ASCC1: variants seen among roughly 807,000 people sequenced by gnomAD.
ASCC1 encodes ASC-1 complex subunit P50.
A neutral mutation model predicts 46.6 loss-of-function variants in ASCC1; 35 were observed. The ratio of observed to expected loss-of-function variants is 0.75; its 90% CI spans 0.57 to 0.99. The LOEUF (loss-of-function observed/expected upper bound fraction) is 0.99, where lower values mean the gene tolerates loss of function less well. Ranked by LOEUF, ASCC1 falls within the 50% of genes least tolerant of loss-of-function variation. The pLI is 0.00. For synonymous variants in ASCC1, 143 were observed against 146.6 expected, an observed-to-expected ratio of 0.98 and a Z score of 0.18; for missense variants, 376 against 428.7, an observed-to-expected ratio of 0.88 and a Z score of 1.09.
intron 9 of ASCC1, among the ~76,000 whole-genome samples, chr10:72,102,609 T>C (rs762263528): frequency 5.9e-5 from 9 of 152,180 alleles, no homozygotes; most frequent in Non-Finnish European, 1.2e-4. Flanking sequence ...ATGTCAACTT[T>C]AATTTTTATG....
intron 8 of ASCC1, among the ~76,000 whole-genome samples, chr10:72,131,437 AAT>A (rs1190510062): frequency 6.1e-5 from 3 of 49,076 alleles, no homozygotes; most frequent in Admixed American, 1.9e-4. Context: ...ATAAAATAAA[AAT>A]ACACACACAC....
chr10:72,121,056 T>G (rs1373188357), intron 9 of ASCC1, among the ~76,000 whole-genome samples: 1 of 152,174 alleles, frequency 6.6e-6, no homozygotes, highest in African/African-American at 2.4e-5. Context: ...ATGGTCTAAA[T>G]ACACCAATTA....
intron 3 of ASCC1, among the ~76,000 whole-genome samples, chr10:72,206,769 C>G (rs992224017): frequency 6.6e-6 from 1 of 152,150 alleles, no homozygotes; most frequent in African/African-American, 2.4e-5. Context: ...CCAGGCCATA[C>G]AGAGGATTGA....
chr10:72,109,879 C>T lies in ASCC1; in HGVS notation c.958-12429G>A, dbSNP rs534548700. Among the ~76,000 whole-genome samples, 650 of 152,312 alleles carry T rather than the reference C, an allele frequency of 4.3e-3. 3 individuals carry two copies. The highest frequency in any genetic ancestry group is 6.2e-3 in the Non-Finnish European group (421 of 68,030). ...CCCACACCTAATCTCCGCCTAATCT[C>T]GGCACAGGCTAGGCACACTCCGCCC... On this transcript the variant is annotated intron_variant, in intron 9 of 9. Coordinates refer to ENST00000672957, the MANE Select transcript of ASCC1 (RefSeq NM_001198800.3).
chr10:72,205,389 C>T (rs1589633605), intron 3 of ASCC1, among the ~76,000 whole-genome samples: 1 of 151,798 alleles, frequency 6.6e-6, no homozygotes, highest in Non-Finnish European at 1.5e-5. Flanking sequence ...CAGCACTTTG[C>T]GAGGCCGAGG....
intron 7 of ASCC1, chr10:72,133,445 G>A: frequency 2.2e-6 from 1 of 445,798 alleles, no homozygotes; most frequent in South Asian, 2.1e-5. Flanking sequence ...TACATGGAGA[G>A]GGCCAGGTTT....
chr10:72,189,525 G>A (rs374466971), intron 5 of ASCC1, among the ~76,000 whole-genome samples: 7 of 152,012 alleles, frequency 4.6e-5, no homozygotes, highest in African/African-American at 9.7e-5. Flanking sequence ...GATACTGTTC[G>A]GGTGGGGTGG....
At chr10:72,211,070 G>A (rs959571470) in intron 2 of ASCC1, among the ~76,000 whole-genome samples, 5 of 152,044 alleles carry the variant, frequency 3.3e-5, no homozygotes, top group Non-Finnish European at 7.4e-5. Context: ...TGGAACCCTG[G>A]GAAGGTAGCA....
chr10:72,207,023 C>T (rs541821043), intron 3 of ASCC1, among the ~76,000 whole-genome samples: 63 of 152,232 alleles, frequency 4.1e-4, no homozygotes, highest in African/African-American at 1.3e-3. Flanking sequence ...AACAGGTGTG[C>T]GGCATGACAT....
chr10:72,204,356 G>C, intron 3 of ASCC1: 1 of 1,546,032 alleles, frequency 6.5e-7, no homozygotes, highest in Non-Finnish European at 8.7e-7. Context: ...CATGAAGACG[G>C]GACATGAGCT....
rs532728735 is a variant in ASCC1 at position 72,208,783 on chromosome 10, G to T, written c.212+1949C>A. Among the ~76,000 whole-genome samples the T allele has an allele frequency of 7.7e-3, 1,153 of 150,472 alleles. 14 individuals are homozygous for T. The highest frequency in any genetic ancestry group is 0.027 in the African/African-American group (1,075 of 40,152). ...TCAAAAAAAATGTGTGTGTGTGTGT[G>T]TTTGTGTGTGTGTGTGTGTAGAGAC... On this transcript the variant is annotated intron_variant, in intron 3 of 9. Transcript: ENST00000672957.
chr10:72,134,513 G>A (rs553257181), intron 7 of ASCC1: 4 of 152,390 alleles, frequency 2.6e-5, no homozygotes, highest in Admixed American at 1.3e-4. Flanking sequence ...AATCCTTCCT[G>A]ACCCATGTGG....
At chr10:72,192,454 C>CAA (rs770758322) in intron 5 of ASCC1, among the ~76,000 whole-genome samples, 7 of 109,370 alleles carry the variant, frequency 6.4e-5, no homozygotes, top group East Asian at 2.7e-4. Context: ...GACTCCGTCT[C>CAA]AAAAAAAAAA....
At chr10:72,215,693 CG>C (rs1859098478) in intron 1 of ASCC1, 2 of 152,204 alleles carry the variant, frequency 1.3e-5, no homozygotes, top group Admixed American at 1.3e-4. Flanking sequence ...GCAGTTGTCG[CG>C]GAGACAGCAA....
rs75055742 is a variant in ASCC1, at chr10:72,182,827, A to G, written c.489+13984T>C. ...CCTGTCTCTAAAAGAAAAAAAAAAA[A>G]AGAGAGAGAGAGACAAAAAACTAAA... On this transcript the variant is annotated intron_variant, in intron 5 of 9. Coordinates refer to ENST00000672957, the MANE Select transcript of ASCC1 (RefSeq NM_001198800.3). 1.7e-4 allele frequency among the ~76,000 whole-genome samples: 25 copies of G among 148,856 alleles called. No individual in the cohort carries two copies. The South Asian group carries it at 4.4e-3, about 26-fold the overall frequency.
chr10:72,147,419 A>C (rs1589343925), intron 7 of ASCC1, among the ~76,000 whole-genome samples: 1 of 152,006 alleles, frequency 6.6e-6, no homozygotes, highest in African/African-American at 2.4e-5. Context: ...CACCCAGCTA[A>C]TTTTTATATT....
intron 7 of ASCC1, among the ~76,000 whole-genome samples, chr10:72,144,677 A>G (rs1272538496): frequency 6.6e-6 from 1 of 152,128 alleles, no homozygotes; most frequent in Non-Finnish European, 1.5e-5. Flanking sequence ...TTCAAAGTCT[A>G]AAGTTAATTA....
At position 72,155,878 on chromosome 10, in the gene ASCC1, C is replaced by A. The variant is rs12253412; in HGVS notation, c.627-2890G>T. Reference sequence around the variant, plus strand: ...TTCTCCATCTTATCCACATCTATATCCTCAAAATCTCACACCATGACTTAT... The same window carrying A: ...TTCTCCATCTTATCCACATCTATATACTCAAAATCTCACACCATGACTTAT... On this transcript the variant is annotated intron_variant, in intron 6 of 9. Coordinates refer to ENST00000672957, the MANE Select transcript of ASCC1 (RefSeq NM_001198800.3). 4.2e-3 allele frequency among the ~76,000 whole-genome samples: 637 copies of A among 152,298 alleles called. 10 individuals are homozygous for A. The highest frequency in any genetic ancestry group is 0.014 in the African/African-American group (572 of 41,548).
intron 9 of ASCC1, among the ~76,000 whole-genome samples, chr10:72,109,114 T>C (rs189938928): frequency 1.2e-4 from 19 of 152,232 alleles, no homozygotes; most frequent in Admixed American, 8.5e-4. Flanking sequence ...TAGCTAATAA[T>C]AGCCAATAAA....
Sources: allele counts gnomAD v4.1 joint callset (sites outside exome capture counted in the v4.1 genomes callset), GRCh38; gene constraint gnomAD v4.1.1; transcripts MANE v1.5; gene names NCBI Gene and HGNC (gene_info 2026-07-23, HGNC 2026-07-21).